Variants in ANKH observed in about 807,000 individuals in gnomAD.
The protein encoded by ANKH is ANKH inorganic pyrophosphate transport regulator, also known as mineralization regulator ANKH.
In ANKH, 15 loss-of-function variants were observed where a neutral mutation model predicts 49.0. The observed-to-expected ratio is 0.31, with a 90% CI of 0.20 to 0.47. The LOEUF (loss-of-function observed/expected upper bound fraction) is 0.47, where lower values mean the gene tolerates loss of function less well. ANKH is among the 20% of genes least tolerant of loss of function. The pLI is 1.00. For missense variants in ANKH, 429 were observed against 652.0 expected, an observed-to-expected ratio of 0.66 and a Z score of 3.72; for synonymous variants, 273 against 260.0, an observed-to-expected ratio of 1.05 and a Z score of -0.48.
chr5:14,795,168 G>A (rs867661953), intron 1 of ANKH, among the ~76,000 whole-genome samples: 1 of 152,136 alleles, frequency 6.6e-6, no homozygotes, highest in Non-Finnish European at 1.5e-5. Flanking sequence ...TTTCTTGGTG[G>A]CATGCTAATG....
At position 14,749,202 on chromosome 5, in the gene ANKH, C is replaced by T. The variant is rs768165991; in HGVS notation, c.792G>A (p.Arg264=). Residue 264 remains arginine, a synonymous_variant, in exon 6 of 12, where the codon CGG becomes CGA. Coordinates refer to ENST00000284268, the MANE Select transcript of ANKH (RefSeq NM_054027.6). ...TGGCTGCAGAACTGCCACCAAGGTC[C>T]CGGGAAACAAAGAGGTTGACAATAG... The part of the protein sequence containing the change: ...SRPIVNLFVS[R]DLGGSSAATE... 7 of 1,613,948 alleles carry T rather than the reference C, an allele frequency of 4.3e-6. No homozygotes were observed. The African/African-American group carries it at 9.3e-5, about 22-fold the overall frequency.
In ANKH at chr5:14,771,942, A is replaced by C. The variant is rs1402907642; in HGVS notation, c.97-2751T>G. Among the ~76,000 whole-genome samples the C allele has an allele frequency of 1.0e-3, 152 of 150,172 alleles. 3 individuals are homozygous for C. Among genetic ancestry groups the C allele is most frequent in the African/African-American group, 3.6e-3 (146 of 41,072 alleles). On this transcript the variant is annotated intron_variant, in intron 1 of 11. Transcript: ENST00000284268. ...AAAAGAAAAAAAAAAAAAAAAAAAA[A>C]AAAAACCAAAACAAAACAAAACAAA...
intron 1 of ANKH, among the ~76,000 whole-genome samples, chr5:14,846,984 G>T (rs1246863816): frequency 7.6e-6 from 1 of 132,392 alleles, no homozygotes; most frequent in Non-Finnish European, 1.6e-5. Flanking sequence ...GTCCAGCCTG[G>T]GAAACAGTGT....
Position 14,760,947 on chromosome 5 carries a change from T to C in ANKH, c.314-2349A>G, listed in dbSNP as rs147195938. Among the ~76,000 whole-genome samples the C allele has an allele frequency of 8.3e-3, 1,256 of 152,214 alleles. 20 individuals are homozygous for C. Among genetic ancestry groups the C allele is most frequent in the African/African-American group, 0.029 (1,203 of 41,522 alleles). On this transcript the variant is annotated intron_variant, in intron 2 of 11. Coordinates refer to ENST00000284268, the MANE Select transcript of ANKH (RefSeq NM_054027.6). ...GATGTGACCTTATCTAGCCATAAGG[T>C]CACTGCAGATATAACTGGTTAAGAT...
rs153924 is a variant in ANKH at position 14,755,662 on chromosome 5, A to C, written c.516+199T>G. ...AACCCATATTCTAGCAAGATTATAC[A>C]TACTGTTATTACAGGGCATTCCCTT... On this transcript the variant is annotated intron_variant, in intron 4 of 11. Transcript: ENST00000284268. Among the ~76,000 whole-genome samples the C allele has an allele frequency of 0.26, 39,689 of 152,184 alleles. 6,984 individuals are homozygous for C. Among genetic ancestry groups the C allele is most frequent in the African/African-American group, 0.5 (20,853 of 41,496 alleles).
At chr5:14,851,028 T>C (rs1222452654) in intron 1 of ANKH, among the ~76,000 whole-genome samples, 3 of 151,944 alleles carry the variant, frequency 2.0e-5, no homozygotes, top group African/African-American at 7.3e-5. Flanking sequence ...GAGCAGTGTA[T>C]ATAAGAAGAG....
chr5:14,795,057 C>T (rs1740330901), intron 1 of ANKH, among the ~76,000 whole-genome samples: 1 of 152,218 alleles, frequency 6.6e-6, no homozygotes, highest in Non-Finnish European at 1.5e-5. Flanking sequence ...TCTGGTCCAA[C>T]GTGCATCCAC....
At position 14,716,799 on chromosome 5, in the gene ANKH, C is replaced by T. The variant is rs1580002315; in HGVS notation, c.1048G>A (p.Glu350Lys). 5 of 1,614,024 alleles carry T rather than the reference C, an allele frequency of 3.1e-6. No homozygotes were observed. The East Asian group carries it at 1.1e-4, about 36-fold the overall frequency. ...CCGATGATGTCTATCAAGATTTTCT[C>T]AGACACGTTGGGTGTCCAAAACATC... ...FVMFWTPNVS[E>K]KILIDIIGVD... Residue 350 changes from glutamate (E) to lysine (K), a missense_variant, in exon 9 of 12, where the codon GAG becomes AAG. This residue lies in a region of ANKH where 378 missense variants were observed against 615.3 expected (regional missense o/e 0.61). Coordinates refer to ENST00000284268, the MANE Select transcript of ANKH (RefSeq NM_054027.6).
chr5:14,801,937 C>T (rs987898811), intron 1 of ANKH, among the ~76,000 whole-genome samples: 2 of 152,156 alleles, frequency 1.3e-5, no homozygotes, highest in Non-Finnish European at 2.9e-5. Context: ...AGTGTGTGTG[C>T]ACTAACATGT....
chr5:14,863,456 G>A (rs1272001734), intron 1 of ANKH, among the ~76,000 whole-genome samples: 1 of 152,140 alleles, frequency 6.6e-6, no homozygotes, highest in Non-Finnish European at 1.5e-5. Context: ...TAAATGTGCA[G>A]TATAGGCTAG....
chr5:14,723,819 C>T (rs1168974301), intron 8 of ANKH, among the ~76,000 whole-genome samples: 1 of 152,214 alleles, frequency 6.6e-6, no homozygotes, highest in Non-Finnish European at 1.5e-5. Flanking sequence ...GTAGTCCCCT[C>T]TCAGTCTCTT....
intron 1 of ANKH, among the ~76,000 whole-genome samples, chr5:14,864,743 A>C (rs1735593964): frequency 6.6e-6 from 1 of 152,254 alleles, no homozygotes; most frequent in Non-Finnish European, 1.5e-5. Flanking sequence ...TAATACATGC[A>C]AAAGGAATTA....
At chr5:14,748,906 C>T (rs1361062515) in intron 6 of ANKH, among the ~76,000 whole-genome samples, 1 of 152,234 alleles carries the variant, frequency 6.6e-6, no homozygotes, top group Non-Finnish European at 1.5e-5. Context: ...TGTCTTTAAC[C>T]TTTTCTTTCT....
intron 1 of ANKH, among the ~76,000 whole-genome samples, chr5:14,821,191 T>C (rs573396899): frequency 3.9e-5 from 6 of 152,334 alleles, no homozygotes; most frequent in African/African-American, 1.2e-4. Context: ...TGTGAGTTTG[T>C]AGATACATTC....
intron 1 of ANKH, among the ~76,000 whole-genome samples, chr5:14,841,525 G>A (rs1252188313): frequency 6.6e-6 from 1 of 152,064 alleles, no homozygotes; most frequent in African/African-American, 2.4e-5. Context: ...TCAAACTCCT[G>A]ACCTCAGGTG....
At chr5:14,846,242 A>G (rs892043835) in intron 1 of ANKH, among the ~76,000 whole-genome samples, 16 of 152,328 alleles carry the variant, frequency 1.1e-4, no homozygotes, top group African/African-American at 2.9e-4. Flanking sequence ...AACTGCGAGG[A>G]GGTCATAATC....
chr5:14,759,707 T>C (rs1024585498), intron 2 of ANKH, among the ~76,000 whole-genome samples: 3 of 149,970 alleles, frequency 2.0e-5, no homozygotes, highest in Non-Finnish European at 3.0e-5. Flanking sequence ...CAGTGAGCTA[T>C]GATCGTGCCA....
intron 1 of ANKH, chr5:14,798,040 T>A (rs1177978231): frequency 1.9e-6 from 3 of 1,583,006 alleles, no homozygotes; most frequent in Middle Eastern, 1.7e-4. Context: ...TCATGGTTGA[T>A]CTTGATTTCT....
At chr5:14,716,672 A>T (rs1737474108) in intron 9 of ANKH, 34 bp downstream of exon 9, 2 of 1,613,194 alleles carry the variant, frequency 1.2e-6, no homozygotes, top group Non-Finnish European at 1.7e-6. Context: ...ATGAGGATAA[A>T]CAGGAATGCT....
Sources: gnomAD v4.1 joint callset for allele counts (sites outside exome capture counted in the v4.1 genomes callset) on GRCh38, gnomAD v4.1.1 for gene constraint, gnomAD v4.1.1 regional missense constraint, MANE v1.5 for transcripts, NCBI Gene and HGNC (gene_info 2026-07-23, HGNC 2026-07-21) for gene names.